ADSS2: variants seen among roughly 807,000 people sequenced by gnomAD.
The protein encoded by ADSS2 is adenylosuccinate synthetase isozyme 2.
A neutral mutation model predicts 60.0 loss-of-function variants in ADSS2; 30 were observed. The observed-to-expected ratio is 0.50, with a 90% confidence interval of 0.37 to 0.68. The LOEUF is 0.68. Among genes scored for constraint, ADSS2 ranks in the 30% least tolerant of loss-of-function variants. ADSS2 has a pLI of 0.00. For missense variants in ADSS2, 373 were observed against 554.8 expected, an observed-to-expected ratio of 0.67 and a Z score of 3.29; for synonymous variants, 187 against 193.1, an observed-to-expected ratio of 0.97 and a Z score of 0.26.
chr1:244,425,276 G>A (rs928966881), intron 4 of ADSS2, among the ~76,000 whole-genome samples: 1 of 152,086 alleles, frequency 6.6e-6, no homozygotes, highest in Non-Finnish European at 1.5e-5. Flanking sequence ...TTTCTGTTTT[G>A]TTTTTAAACA....
intron 1 of ADSS2, among the ~76,000 whole-genome samples, chr1:244,440,684 C>T (rs1036552485): frequency 6.6e-6 from 1 of 152,154 alleles, no homozygotes; most frequent in East Asian, 1.9e-4. Flanking sequence ...CCAGTTAGCA[C>T]AAGTTTTTGG....
rs1664593581 is a variant in ADSS2, at chr1:244,418,685, G to C, written c.945+75C>G. On this transcript the variant is annotated intron_variant, in intron 9 of 12. Transcript: ENST00000366535. ...TGCAAATTAAGTGAAAGGCACAGGA[G>C]ACAATAATTCATTAAGAAAAAAAAG... is the stretch of plus-strand genomic sequence containing the variant. 1.5e-5 allele frequency: 21 copies of C among 1,396,674 alleles called. No individual in the cohort carries two copies. In the South Asian group the frequency reaches 3.0e-4, roughly 20 times the overall value. The allele number at this position is 1,396,674 out of a possible 1,614,324, so 86.5% of individuals were successfully genotyped here. A position where few individuals can be genotyped will look rare whatever the true frequency, so the allele number is the denominator to read the frequency against.
chr1:244,441,653 A>T (rs558614275), intron 1 of ADSS2, among the ~76,000 whole-genome samples: 1 of 151,960 alleles, frequency 6.6e-6, no homozygotes, highest in East Asian at 2.0e-4. Flanking sequence ...CAACCAGTTT[A>T]TTTTTTTAAA....
chr1:244,422,863 T>A lies in ADSS2; in HGVS notation c.635A>T (p.Asp212Val). ...YKSIYPTLEI[D>V]IEGELQKLKG... ...GAGTTTTTGTAATTCACCTTCAATGTCTATTTCCAAAGTGGGGTATATAGA... is the reference window on the plus strand; with the variant it reads ...GAGTTTTTGTAATTCACCTTCAATGACTATTTCCAAAGTGGGGTATATAGA... The change falls in exon 7 of 13, where the codon GAC (aspartate) becomes GTC (valine). Residue 212 changes from aspartate to valine, a missense_variant. By Grantham distance (152) the Asp-to-Val change is radical. Coordinates refer to ENST00000366535, the MANE Select transcript of ADSS2 (RefSeq NM_001126.5). 6.3e-7 allele frequency: 1 copy of A among 1,599,608 alleles called. No individual in the cohort carries two copies. Among genetic ancestry groups the A allele is most frequent in the Non-Finnish European group, 8.6e-7 (1 of 1,167,338 alleles).
At chr1:244,409,761 T>C in intron 12 of ADSS2, 123 bp from the exon 13 acceptor site, 1 of 728,240 alleles carries the variant, frequency 1.4e-6, no homozygotes, top group Non-Finnish European at 2.4e-6. Flanking sequence ...ATGTGCCTTT[T>C]TGCTGTTCTC....
chr1:244,409,406 C>T lies in ADSS2; in HGVS notation c.*180G>A, dbSNP rs915988741. On this transcript the variant is annotated 3_prime_UTR_variant, in exon 13 of 13. Coordinates refer to ENST00000366535, the MANE Select transcript of ADSS2 (RefSeq NM_001126.5). ...CAATTCCAGCTAAAGAAAGCTGACA[C>T]TGGAATATGCCAAAGTTAATCTCCA... 22 of 463,356 alleles carry T rather than the reference C, an allele frequency of 4.7e-5. No homozygotes were observed. Among genetic ancestry groups the T allele is most frequent in the African/African-American group, 3.9e-4 (19 of 48,986 alleles). 28.7% of individuals were successfully genotyped at this position (463,356 alleles called of 1,614,324 possible).
At chr1:244,434,602 C>T (rs1473805326) in intron 3 of ADSS2, among the ~76,000 whole-genome samples, 1 of 151,980 alleles carries the variant, frequency 6.6e-6, no homozygotes, top group Non-Finnish European at 1.5e-5. Flanking sequence ...GTTGTTTTGA[C>T]ATACAAACAT....
At chr1:244,434,938 G>C (rs1265089649) in intron 3 of ADSS2, among the ~76,000 whole-genome samples, 1 of 152,008 alleles carries the variant, frequency 6.6e-6, no homozygotes, top group Admixed American at 6.6e-5. Context: ...GGAGGCCGAG[G>C]CAGGTGGATC....
chr1:244,422,616 T>C (rs994468468), intron 7 of ADSS2, among the ~76,000 whole-genome samples: 1 of 152,234 alleles, frequency 6.6e-6, no homozygotes, highest in Non-Finnish European at 1.5e-5. Context: ...ATGAGACATA[T>C]GATCTGGACT....
chr1:244,419,339 C>T (rs1572131849), intron 8 of ADSS2: 1 of 153,176 alleles, frequency 6.5e-6, no homozygotes, highest in African/African-American at 2.4e-5. Context: ...TTGTAGGATT[C>T]AACATTTCCC....
chr1:244,431,257 C>T (rs1664937342), intron 4 of ADSS2, among the ~76,000 whole-genome samples: 1 of 152,004 alleles, frequency 6.6e-6, no homozygotes, highest in South Asian at 2.1e-4. Flanking sequence ...TTAAAATAGG[C>T]AACAAAAATG....
At chr1:244,430,524 C>T (rs972855417) in intron 4 of ADSS2, among the ~76,000 whole-genome samples, 10 of 152,128 alleles carry the variant, frequency 6.6e-5, no homozygotes, top group Non-Finnish European at 1.3e-4. Context: ...TCCTAAATTG[C>T]GGTATGCTGA....
intron 11 of ADSS2, among the ~76,000 whole-genome samples, chr1:244,415,652 A>C (rs778769652): frequency 2.0e-5 from 3 of 152,188 alleles, no homozygotes; most frequent in Non-Finnish European, 4.4e-5. Flanking sequence ...TTCACTCTCA[A>C]GAGTGGCATA....
chr1:244,439,382 C>A (rs1437560649), intron 1 of ADSS2, among the ~76,000 whole-genome samples: 1 of 152,118 alleles, frequency 6.6e-6, no homozygotes, highest in Non-Finnish European at 1.5e-5. Context: ...ACGAATCCTG[C>A]CAGAACTGGG....
intron 7 of ADSS2, 39 bp from the exon 8 acceptor site, chr1:244,420,335 A>C: frequency 6.5e-7 from 1 of 1,540,334 alleles, no homozygotes; most frequent in African/African-American, 1.4e-5. Context: ...ATGTATACTA[A>C]TAAACGTTTA....
At chr1:244,431,144 C>T (rs1664934079) in intron 4 of ADSS2, among the ~76,000 whole-genome samples, 1 of 152,082 alleles carries the variant, frequency 6.6e-6, no homozygotes, top group Non-Finnish European at 1.5e-5. Flanking sequence ...TAGTAATACT[C>T]TATTGCTTCC....
intron 9 of ADSS2, 61 bp from the exon 10 acceptor site, chr1:244,417,813 A>C: frequency 6.6e-7 from 1 of 1,514,318 alleles, no homozygotes. Context: ...CTGGTGGAAT[A>C]ATATATGCTA....
rs926217066 is a variant in ADSS2 at position 244,418,945 on chromosome 1, T to C, written c.791-31A>G. The C allele has an allele frequency of 2.6e-6, 4 of 1,532,192 alleles. No individual in the cohort carries two copies. In the South Asian group the frequency reaches 3.6e-5, roughly 14 times the overall value. The allele number at this position is 1,532,192 out of a possible 1,614,324, so 94.9% of individuals were successfully genotyped here. ...AACAGAAACAGACATTAAAATATAG[T>C]AGACACATGAATAACACATTTTAAA... On this transcript the variant is annotated intron_variant, in intron 8 of 12. Transcript: ENST00000366535.
intron 12 of ADSS2, 69 bp downstream of exon 12, chr1:244,411,218 C>CA (rs367805844): frequency 0.18 from 194,042 of 1,070,972 alleles, 805 homozygotes; most frequent in Admixed American, 0.27. Context: ...GACTCCGTCT[C>CA]AAAAAAAAAA....
Sources: allele counts gnomAD v4.1 joint callset (sites outside exome capture counted in the v4.1 genomes callset), GRCh38; gene constraint gnomAD v4.1.1; transcripts MANE v1.5; gene names NCBI Gene and HGNC (gene_info 2026-07-23, HGNC 2026-07-21).